ADGRA3: variants seen among roughly 807,000 people sequenced by gnomAD.
The protein encoded by ADGRA3 is adhesion G protein-coupled receptor A3, also known as G-protein coupled receptor 125.
A neutral mutation model predicts 119.8 loss-of-function variants in ADGRA3; 56 were observed. The observed-to-expected ratio is 0.47, with a 90% CI of 0.38 to 0.58. The LOEUF is 0.58. Ranked by LOEUF, ADGRA3 falls within the 20% of genes least tolerant of loss-of-function variation. ADGRA3 has a pLI of 0.00. For missense variants in ADGRA3, 1,516 were observed against 1,649.0 expected (o/e 0.92, Z 1.40); for synonymous variants, 607 against 623.8 (o/e 0.97, Z 0.40).
At chr4:22,466,381 C>T (rs1717658615) in intron 2 of ADGRA3, among the ~76,000 whole-genome samples, 2 of 152,216 alleles carry the variant, frequency 1.3e-5, no homozygotes, top group Admixed American at 1.3e-4. Flanking sequence ...CATCCCTCTT[C>T]ACCCACGTAT....
Position 22,500,666 on chromosome 4 carries a change from C to T in ADGRA3, c.257+14862G>A, listed in dbSNP as rs181525857. 1.3e-4 allele frequency among the ~76,000 whole-genome samples: 20 copies of T among 152,260 alleles called. No homozygotes were observed. In the East Asian group the frequency reaches 3.7e-3, roughly 28 times the overall value. On this transcript the variant is annotated intron_variant, in intron 1 of 18. Transcript: ENST00000334304. ...AACAACAACAACAGGTTTTTTTACTCTGTTGTGATGGTTAACATTACTTGT... is the reference window on the plus strand; with the variant it reads ...AACAACAACAACAGGTTTTTTTACTTTGTTGTGATGGTTAACATTACTTGT...
rs201944807 is a variant in ADGRA3 at position 22,413,342 on chromosome 4, C to T, written c.2072G>A (p.Arg691His). 4.9e-5 allele frequency: 79 copies of T among 1,614,042 alleles called. No individual in the cohort carries two copies. The highest frequency in any genetic ancestry group is 3.3e-4 in the Middle Eastern group (2 of 6,062). ...AGCATCTGCTCCATGTGCAATTCGA[C>T]GCAGTGTCACATTAACAGGGATGTG... ...THHIPVNVTL[R>H]RIAHGADAVA... The change falls in exon 14 of 19, where the codon CGT becomes CAT. Residue 691 changes from arginine to histidine, a missense_variant. Physicochemically the swap from Arg to His is conservative, Grantham distance 29 (BLOSUM62 0). Coordinates refer to ENST00000334304, the MANE Select transcript of ADGRA3 (RefSeq NM_145290.4).
intron 4 of ADGRA3, among the ~76,000 whole-genome samples, chr4:22,453,405 G>C (rs1042425005): frequency 1.3e-5 from 2 of 152,022 alleles, no homozygotes; most frequent in Non-Finnish European, 2.9e-5. Flanking sequence ...ACCTTTCCCT[G>C]AAAACAAAAG....
At chr4:22,494,195 A>G (rs563299822) in intron 1 of ADGRA3, among the ~76,000 whole-genome samples, 2 of 148,096 alleles carry the variant, frequency 1.4e-5, no homozygotes, top group South Asian at 4.4e-4. Context: ...ACAGAGCAAG[A>G]CTCTGTCTCA....
intron 1 of ADGRA3, among the ~76,000 whole-genome samples, chr4:22,475,921 T>G (rs1718028440): frequency 6.6e-6 from 1 of 152,026 alleles, no homozygotes; most frequent in Non-Finnish European, 1.5e-5. Flanking sequence ...CCCCAAAATC[T>G]ACTGAAAGAA....
intron 5 of ADGRA3, 111 bp downstream of exon 5, chr4:22,447,329 C>T (rs1404714170): frequency 2.4e-5 from 16 of 679,474 alleles, no homozygotes; most frequent in Non-Finnish European, 3.5e-5. Context: ...TGAGACTCTA[C>T]CTTGACAAGA....
At position 22,414,400 on chromosome 4, in the gene ADGRA3, GCTGA is replaced by G. The variant is rs1288829149; in HGVS notation, c.1810-590_1810-587del. 4 of 462,334 alleles carry G rather than the reference GCTGA, an allele frequency of 8.7e-6. No homozygotes were observed. The Admixed American group carries it at 1.6e-4, about 18-fold the overall frequency. The allele number at this position is 462,334 out of a possible 1,614,324, so 28.6% of individuals were successfully genotyped here. ...ATAACACATAGGAACAACTGAAAATGCTGACTGATCACTGAATTTTTTCAGATTT... is the reference window on the plus strand; with the variant it reads ...ATAACACATAGGAACAACTGAAAATGCTGATCACTGAATTTTTTCAGATTT... On this transcript the variant is annotated intron_variant, in intron 12 of 18. Coordinates refer to ENST00000334304, the MANE Select transcript of ADGRA3 (RefSeq NM_145290.4).
At chr4:22,513,143 C>CA (rs1192549331) in intron 1 of ADGRA3, among the ~76,000 whole-genome samples, 1 of 133,498 alleles carries the variant, frequency 7.5e-6, no homozygotes, top group Admixed American at 7.6e-5. Flanking sequence ...CAACTTTCCT[C>CA]TTTTTTTTTT....
chr4:22,480,505 C>T (rs909536825), intron 1 of ADGRA3, among the ~76,000 whole-genome samples: 1 of 151,732 alleles, frequency 6.6e-6, no homozygotes, highest in Admixed American at 6.6e-5. Context: ...TAGCAAGACC[C>T]GGTCACTTAA....
rs565168691 is a variant in ADGRA3 at position 22,496,571 on chromosome 4, T to C, written c.257+18957A>G. ...CAAATCCTGGGAACCGCTATTAGAA[T>C]ATACTGGGAGAGCACACTTTGGAAA... On this transcript the variant is annotated intron_variant, in intron 1 of 18. Coordinates refer to ENST00000334304, the MANE Select transcript of ADGRA3 (RefSeq NM_145290.4). Among the ~76,000 whole-genome samples the C allele has an allele frequency of 6.1e-4, 93 of 152,320 alleles. No individual in the cohort carries two copies. In the South Asian group the frequency reaches 0.015, roughly 24 times the overall value.
At chr4:22,493,832 C>G (rs1457230664) in intron 1 of ADGRA3, among the ~76,000 whole-genome samples, 2 of 152,082 alleles carry the variant, frequency 1.3e-5, no homozygotes, top group African/African-American at 2.4e-5. Context: ...AGATACAGGT[C>G]ATAAAAAACC....
chr4:22,454,748 A>G, intron 4 of ADGRA3, 118 bp downstream of exon 4: 4 of 731,694 alleles, frequency 5.5e-6, no homozygotes, highest in South Asian at 1.5e-5. Flanking sequence ...CTTGTCCCCT[A>G]TGGCTTCTAT....
intron 15 of ADGRA3, 97 bp downstream of exon 15, chr4:22,402,578 A>G: frequency 8.0e-7 from 1 of 1,243,178 alleles, no homozygotes; most frequent in Non-Finnish European, 1.1e-6. Context: ...TTGGAAATAC[A>G]GGATGATAAC....
chr4:22,440,993 A>G (rs1360776509), intron 7 of ADGRA3, among the ~76,000 whole-genome samples: 1 of 152,242 alleles, frequency 6.6e-6, no homozygotes, highest in Non-Finnish European at 1.5e-5. Flanking sequence ...CTGACAAATT[A>G]TAAAATGACA....
chr4:22,402,260 A>G (rs892067826), intron 15 of ADGRA3, among the ~76,000 whole-genome samples: 4 of 152,292 alleles, frequency 2.6e-5, no homozygotes, highest in African/African-American at 9.6e-5. Flanking sequence ...AATGTCATCT[A>G]TAAAATAAAG....
intron 10 of ADGRA3, among the ~76,000 whole-genome samples, chr4:22,434,231 TAA>T (rs1483790885): frequency 1.3e-5 from 2 of 148,550 alleles, no homozygotes; most frequent in African/African-American, 2.4e-5. Flanking sequence ...ATGTGATATA[TAA>T]GTGTGTGTAT....
At chr4:22,466,626 C>T (rs1055445712) in intron 2 of ADGRA3, among the ~76,000 whole-genome samples, 4 of 152,018 alleles carry the variant, frequency 2.6e-5, no homozygotes, top group African/African-American at 9.7e-5. Flanking sequence ...ACTCAGGAGG[C>T]TGAGGCTTGA....
At chr4:22,413,031 A>C (rs529193066) in intron 14 of ADGRA3, 151 bp downstream of exon 14, 1 of 629,646 alleles carries the variant, frequency 1.6e-6, no homozygotes, top group Non-Finnish European at 2.8e-6. Flanking sequence ...AAATTAGAAC[A>C]CATATCATCT....
chr4:22,414,793 C>G (rs534324553), intron 12 of ADGRA3, among the ~76,000 whole-genome samples: 1 of 152,118 alleles, frequency 6.6e-6, no homozygotes, highest in South Asian at 2.1e-4. Context: ...AATTTAAGTT[C>G]TCCTATATTC....
Sources: allele counts gnomAD v4.1 joint callset (sites outside exome capture counted in the v4.1 genomes callset), GRCh38; gene constraint gnomAD v4.1.1; transcripts MANE v1.5; gene names NCBI Gene and HGNC (gene_info 2026-07-23, HGNC 2026-07-21).